Variants in MRPL3 observed in about 807,000 individuals in gnomAD.
The protein encoded by MRPL3 is large ribosomal subunit protein uL3m.
Under a neutral mutation model 44.3 loss-of-function variants are expected in MRPL3, and 43 were observed. That is an observed-to-expected ratio of 0.97 (90% confidence interval 0.76 to 1.25). The LOEUF is 1.25. MRPL3 is among the 50% of genes most tolerant of loss of function. The pLI is 0.00. For synonymous variants in MRPL3, 171 were observed against 152.3 expected, an observed-to-expected ratio of 1.12 and a Z score of -0.91; for missense variants, 406 against 427.6, an observed-to-expected ratio of 0.95 and a Z score of 0.45.
chr3:131,500,398 G>GATAT, intron 3 of MRPL3, 32 bp downstream of exon 3: 2 of 1,527,994 alleles, frequency 1.3e-6, no homozygotes, highest in Non-Finnish European at 1.8e-6. Context: ...GAAACACATA[G>GATAT]ATATCTCTTA....
At chr3:131,462,950 C>A in intron 9 of MRPL3, 75 bp from the exon 10 acceptor site, 2 of 1,241,482 alleles carry the variant, frequency 1.6e-6, no homozygotes, top group African/African-American at 1.5e-5. Flanking sequence ...TATTCATAAT[C>A]AAAGAAATAC....
intron 6 of MRPL3, among the ~76,000 whole-genome samples, chr3:131,480,032 GAATT>G (rs1425540083): frequency 3.3e-5 from 5 of 152,062 alleles, no homozygotes; most frequent in Non-Finnish European, 7.4e-5. Context: ...AAACAAAAAA[GAATT>G]AATTTTTGCC....
At chr3:131,495,526 G>A (rs1934348100) in intron 4 of MRPL3, among the ~76,000 whole-genome samples, 2 of 152,072 alleles carry the variant, frequency 1.3e-5, no homozygotes, top group Non-Finnish European at 2.9e-5. Context: ...AATTAAGTGG[G>A]TCAAAATCCA....
chr3:131,482,587 G>A (rs979313178), intron 6 of MRPL3, among the ~76,000 whole-genome samples: 12 of 151,942 alleles, frequency 7.9e-5, no homozygotes, highest in Middle Eastern at 3.2e-3. Context: ...GAGACCAAAG[G>A]GTAATGAGAA....
At chr3:131,468,335 T>C (rs1417815422) in intron 8 of MRPL3, among the ~76,000 whole-genome samples, 167 bp from the exon 9 acceptor site, 1 of 152,128 alleles carries the variant, frequency 6.6e-6, no homozygotes, top group Admixed American at 6.6e-5. Context: ...TGACTTGTAA[T>C]AGAAGACCAT....
intron 4 of MRPL3, 39 bp downstream of exon 4, chr3:131,498,140 G>T (rs756017928): frequency 7.6e-7 from 1 of 1,312,762 alleles, no homozygotes; most frequent in Non-Finnish European, 1.1e-6. Context: ...TGAAACTGAT[G>T]AAAAATGCAG....
At chr3:131,474,390 G>T (rs1034009146) in intron 6 of MRPL3, among the ~76,000 whole-genome samples, 3 of 152,102 alleles carry the variant, frequency 2.0e-5, no homozygotes, top group Admixed American at 1.3e-4. Context: ...CCAGAGACTG[G>T]GGAGAGGATG....
intron 9 of MRPL3, 99 bp downstream of exon 9, chr3:131,467,992 C>T (rs1933654147): frequency 1.7e-6 from 1 of 588,428 alleles, no homozygotes; most frequent in Non-Finnish European, 2.8e-6. Flanking sequence ...GGCAAATATC[C>T]ACATATATAA....
intron 7 of MRPL3, 125 bp from the exon 8 acceptor site, chr3:131,469,898 G>A: frequency 1.7e-6 from 1 of 598,550 alleles, no homozygotes; most frequent in South Asian, 2.5e-5. Context: ...ATTCTGCTAG[G>A]TCCCAAGTAA....
intron 4 of MRPL3, among the ~76,000 whole-genome samples, chr3:131,492,367 A>C (rs1359870006): frequency 6.6e-6 from 1 of 152,114 alleles, no homozygotes; most frequent in Non-Finnish European, 1.5e-5. Context: ...AGCAGTACCC[A>C]ACCTTTTCGG....
chr3:131,470,618 A>ACC (rs141852287), intron 7 of MRPL3, among the ~76,000 whole-genome samples: 2 of 124,454 alleles, frequency 1.6e-5, no homozygotes, highest in East Asian at 4.5e-4. Flanking sequence ...CAGAACTAAG[A>ACC]CACACACACA....
intron 2 of MRPL3, 68 bp from the exon 3 acceptor site, chr3:131,500,589 T>C: frequency 7.4e-7 from 1 of 1,359,256 alleles, no homozygotes. Flanking sequence ...ATGAAATCGT[T>C]TTTCCTAAAA....
At position 131,463,037 on chromosome 3, in the gene MRPL3, T is replaced by C. The variant is rs556769252; in HGVS notation, c.895-162A>G. Among the ~76,000 whole-genome samples, 3 of 152,350 alleles carry C rather than the reference T, an allele frequency of 2.0e-5. No homozygotes were observed. In the South Asian group the frequency reaches 6.2e-4, roughly 32 times the overall value. On this transcript the variant is annotated intron_variant, in intron 9 of 9. Transcript: ENST00000264995. ...AAAAAGAACTCAGTCAATGCTTTCC[T>C]TTAATTCTAAAAAATTTGACTAATC...
At chr3:131,490,644 T>G (rs554817771) in intron 4 of MRPL3, among the ~76,000 whole-genome samples, 1 of 152,200 alleles carries the variant, frequency 6.6e-6, no homozygotes, top group African/African-American at 2.4e-5. Flanking sequence ...TCCCTTTGAG[T>G]TGATCAAATA....
intron 6 of MRPL3, among the ~76,000 whole-genome samples, chr3:131,476,993 G>C (rs938462772): frequency 1.3e-5 from 2 of 152,178 alleles, no homozygotes; most frequent in Non-Finnish European, 2.9e-5. Flanking sequence ...TAATAATCCT[G>C]CAGAAGGGAA....
rs181710723 is a variant in MRPL3, at chr3:131,501,635, A to G, written c.173T>C (p.Val58Ala). ...AGAGACCAACTGCTTAATGAATGGG[A>G]CATTTTCTTCAGAAAGATGCTCATC... Reference protein sequence around the residue: ...WWDEHLSEENVPFIKQLVSDE... With the variant: ...WWDEHLSEENAPFIKQLVSDE... Residue 58 changes from valine to alanine, a missense_variant, in exon 2 of 10, where the codon GTC becomes GCC. Coordinates refer to ENST00000264995, the MANE Select transcript of MRPL3 (RefSeq NM_007208.4). 14 of 1,613,308 alleles carry G rather than the reference A, an allele frequency of 8.7e-6. No homozygotes were observed. The highest frequency in any genetic ancestry group is 1.2e-5 in the Non-Finnish European group (14 of 1,179,926).
chr3:131,491,239 G>A (rs892084038), intron 4 of MRPL3, among the ~76,000 whole-genome samples: 33 of 152,110 alleles, frequency 2.2e-4, no homozygotes, highest in Non-Finnish European at 7.4e-5. Flanking sequence ...AATGCAAAGT[G>A]CTTGTCATTC....
chr3:131,465,192 T>C (rs564417435), intron 9 of MRPL3, among the ~76,000 whole-genome samples: 2 of 152,366 alleles, frequency 1.3e-5, no homozygotes, highest in South Asian at 2.1e-4. Flanking sequence ...ATTGTTCTGA[T>C]GCCAGTTTCT....
intron 3 of MRPL3, among the ~76,000 whole-genome samples, chr3:131,498,518 C>T (rs1005145336): frequency 4.6e-5 from 7 of 151,214 alleles, no homozygotes; most frequent in Admixed American, 2.0e-4. Flanking sequence ...CTGGCTAACA[C>T]GGTGAAACCC....
Sources: gnomAD v4.1 joint callset for allele counts (sites outside exome capture counted in the v4.1 genomes callset) on GRCh38, gnomAD v4.1.1 for gene constraint, MANE v1.5 for transcripts, NCBI Gene and HGNC (gene_info 2026-07-23, HGNC 2026-07-21) for gene names.